The following CCDC7 variants were observed in gnomAD, a reference collection of about 807,000 sequenced individuals.
The protein encoded by CCDC7 is coiled-coil domain-containing protein 7.
A neutral mutation model predicts 196.9 loss-of-function variants in CCDC7; 183 were observed. The ratio of observed to expected loss-of-function variants is 0.93; its 90% CI spans 0.82 to 1.05. CCDC7 has a LOEUF of 1.05. Ranked by LOEUF, CCDC7 falls within the 50% of genes least tolerant of loss-of-function variation. The pLI, the probability that CCDC7 is intolerant of heterozygous loss-of-function variation, is 0.00. For missense variants in CCDC7, 1,540 were observed against 1,482.2 expected (o/e 1.04, Z -0.64); for synonymous variants, 525 against 484.6 (o/e 1.08, Z -1.10).
chr10:32,736,540 CT>C (rs1391827400), intron 28 of CCDC7, among the ~76,000 whole-genome samples: 2 of 151,812 alleles, frequency 1.3e-5, no homozygotes, highest in African/African-American at 4.8e-5. Context: ...TCCCTCCCCG[CT>C]CCCCCCACCC....
chr10:32,804,938 C>T, intron 29 of CCDC7, 77 bp from the exon 31 acceptor site: 1 of 825,488 alleles, frequency 1.2e-6, no homozygotes, highest in Non-Finnish European at 2.0e-6. Flanking sequence ...AATACACACA[C>T]ACACACACAC....
upstream of CCDC7, among the ~76,000 whole-genome samples, chr10:32,445,600 T>TA (rs1305597954): frequency 2.0e-5 from 3 of 152,210 alleles, no homozygotes; most frequent in South Asian, 2.1e-4. Flanking sequence ...TCAAATTATC[T>TA]AAAAAACTCT....
chr10:32,811,257 T>C (rs978858933), intron 30 of CCDC7, among the ~76,000 whole-genome samples: 3 of 151,672 alleles, frequency 2.0e-5, no homozygotes, highest in Non-Finnish European at 2.9e-5. Context: ...AACCACTAGG[T>C]AGACTAACTT....
intron 32 of CCDC7, among the ~76,000 whole-genome samples, chr10:32,829,539 T>C (rs1040609385): frequency 1.3e-5 from 2 of 152,244 alleles, no homozygotes; most frequent in African/African-American, 2.4e-5. Context: ...TAAGTATTGT[T>C]AACTTTAGGT....
chr10:32,465,754 A>T (rs1440879610), intron 5 of CCDC7, among the ~76,000 whole-genome samples: 1 of 152,178 alleles, frequency 6.6e-6, no homozygotes, highest in Non-Finnish European at 1.5e-5. Flanking sequence ...TGTTTCCCTG[A>T]ACTCCAGGCT....
At chr10:32,659,036 G>C (rs964585550) in intron 20 of CCDC7, among the ~76,000 whole-genome samples, 1 of 151,930 alleles carries the variant, frequency 6.6e-6, no homozygotes, top group East Asian at 1.9e-4. Flanking sequence ...ATTGCATTTA[G>C]TTCTGCTCTG....
intron 21 of CCDC7, among the ~76,000 whole-genome samples, chr10:32,678,394 A>G (rs537688435): frequency 5.9e-5 from 9 of 152,240 alleles, no homozygotes; most frequent in South Asian, 2.1e-4. Flanking sequence ...CCTTCACTAG[A>G]CAGCCCAGCC....
downstream of CCDC7, among the ~76,000 whole-genome samples, chr10:32,878,179 T>C (rs1452743122): frequency 6.6e-6 from 1 of 152,058 alleles, no homozygotes; most frequent in Non-Finnish European, 1.5e-5. Flanking sequence ...GGGCTCTTTA[T>C]ATGTGGGTAG....
At chr10:32,567,528 A>G in intron 14 of CCDC7, 142 bp from the exon 16 acceptor site, 1 of 925,542 alleles carries the variant, frequency 1.1e-6, no homozygotes, top group Admixed American at 3.1e-5. Flanking sequence ...TTATAGCAAT[A>G]GCTTACCTTT....
chr10:32,750,941 G>A (rs995819680), intron 28 of CCDC7, among the ~76,000 whole-genome samples: 1 of 152,136 alleles, frequency 6.6e-6, no homozygotes, highest in African/African-American at 2.4e-5. Flanking sequence ...CAGCATCAAT[G>A]TTCTTTATAT....
At chr10:32,606,018 G>C (rs986172059) in intron 18 of CCDC7, among the ~76,000 whole-genome samples, 1 of 152,216 alleles carries the variant, frequency 6.6e-6, no homozygotes, top group African/African-American at 2.4e-5. Flanking sequence ...ATGCCCAGAA[G>C]CTTAAGAGGA....
intron 6 of CCDC7, 61 bp from the exon 8 acceptor site, chr10:32,472,420 G>A: frequency 7.1e-7 from 1 of 1,409,530 alleles, no homozygotes; most frequent in Non-Finnish European, 9.4e-7. Flanking sequence ...TTATTTTAGT[G>A]TAATTTAAAC....
At chr10:32,615,376 G>A (rs1487779187) in intron 18 of CCDC7, among the ~76,000 whole-genome samples, 1 of 152,116 alleles carries the variant, frequency 6.6e-6, no homozygotes, top group African/African-American at 2.4e-5. Flanking sequence ...CATTCTGACT[G>A]GTGTAAAATG....
intron 28 of CCDC7, among the ~76,000 whole-genome samples, chr10:32,759,752 A>G (rs1462058309): frequency 6.6e-6 from 1 of 152,238 alleles, no homozygotes; most frequent in Non-Finnish European, 1.5e-5. Context: ...ATGGGATCTA[A>G]TTAAACTGAA....
intron 24 of CCDC7, among the ~76,000 whole-genome samples, chr10:32,699,120 T>C (rs188750746): frequency 2.6e-5 from 4 of 152,188 alleles, no homozygotes; most frequent in African/African-American, 9.6e-5. Context: ...TTGTTACATA[T>C]GTATACATGT....
At chr10:32,466,072 A>G (rs998376030) in intron 5 of CCDC7, among the ~76,000 whole-genome samples, 1 of 152,110 alleles carries the variant, frequency 6.6e-6, no homozygotes, top group African/African-American at 2.4e-5. Flanking sequence ...TGAAATCCCA[A>G]CCAGTGCATT....
chr10:32,762,637 A>T (rs936014233), intron 28 of CCDC7, among the ~76,000 whole-genome samples: 3 of 151,712 alleles, frequency 2.0e-5, no homozygotes, highest in Non-Finnish European at 2.9e-5. Flanking sequence ...TTTTTAAAAA[A>T]CAACTATGGT....
At chr10:32,685,904 AAC>A (rs2076412004) in intron 21 of CCDC7, 64 bp from the exon 23 acceptor site, 7 of 909,924 alleles carry the variant, frequency 7.7e-6, no homozygotes, top group South Asian at 3.4e-5. Context: ...ATAAATTTGA[AAC>A]ACAGAAATTT....
intron 18 of CCDC7, among the ~76,000 whole-genome samples, chr10:32,595,898 G>A (rs140637558): frequency 1.1e-4 from 16 of 152,328 alleles, no homozygotes; most frequent in Middle Eastern, 6.8e-3. Context: ...TTGCTCTGTG[G>A]TCTGAGAGAC....
Sources: allele counts gnomAD v4.1 joint callset (sites outside exome capture counted in the v4.1 genomes callset), GRCh38; gene constraint gnomAD v4.1.1; transcripts MANE v1.5; gene names NCBI Gene and HGNC (gene_info 2026-07-23, HGNC 2026-07-21).